EPHB3: variants seen among roughly 807,000 people sequenced by gnomAD.
EPHB3 encodes the protein ephrin type-B receptor 3.
A neutral mutation model predicts 100.2 loss-of-function variants in EPHB3; 33 were observed. The observed-to-expected ratio is 0.33, with a 90% CI of 0.25 to 0.44. The LOEUF (loss-of-function observed/expected upper bound fraction) is 0.44, where lower values mean the gene tolerates loss of function less well. Ranked by LOEUF, EPHB3 falls within the 20% of genes least tolerant of loss-of-function variation. The pLI, the probability that EPHB3 is intolerant of heterozygous loss-of-function variation, is 1.00. For missense variants in EPHB3, 1,045 were observed against 1,378.3 expected (o/e 0.76, Z 3.83); for synonymous variants, 526 against 554.7 (o/e 0.95, Z 0.73).
In EPHB3 at chr3:184,579,777, C is replaced by T. The variant is rs776860405; in HGVS notation, c.2015C>T (p.Thr672Ile). 31 of 1,613,738 alleles carry T rather than the reference C, an allele frequency of 1.9e-5. No individual in the cohort carries two copies. Among genetic ancestry groups the T allele is most frequent in the Middle Eastern group, 1.6e-4 (1 of 6,084 alleles). The change falls in exon 11 of 16, where the codon ACC becomes ATC. Residue 672 changes from threonine (T) to isoleucine (I), a missense_variant. Around this residue, in one of 2 missense-constraint regions of EPHB3, gnomAD observed 985 missense variants for 1,331.1 expected, o/e 0.74. Transcript: ENST00000330394. The surrounding 1 kb of genome is among the most constrained non-coding windows in gnomAD (Gnocchi z 5.2). ...ATCAAGACGCTGAAGGTGGGCTACA[C>T]CGAGAGGCAGCGGCGGGACTTCCTA... is the stretch of plus-strand genomic sequence containing the variant. Reference protein sequence around the residue: ...VAIKTLKVGYTERQRRDFLSE... With the variant: ...VAIKTLKVGYIERQRRDFLSE...
chr3:184,569,391 T>A lies in EPHB3; in HGVS notation c.119-1927T>A, dbSNP rs1216134950. Among the ~76,000 whole-genome samples the A allele has an allele frequency of 6.7e-6, 1 of 149,426 alleles. No homozygotes were observed. Among genetic ancestry groups the A allele is most frequent in the African/African-American group, 2.5e-5 (1 of 40,142 alleles). On this transcript the variant is annotated intron_variant, in intron 1 of 15. Transcript: ENST00000330394. The surrounding 1 kb of genome is among the most constrained non-coding windows in gnomAD (Gnocchi z 5.4). ...GCCGCCGGCCATCCCGGCTGTCGGA[T>A]CCCCGCCAGCCGGCTCCGCACATCC...
chr3:184,566,975 C>T (rs1429075002), intron 1 of EPHB3, among the ~76,000 whole-genome samples: 1 of 152,162 alleles, frequency 6.6e-6, no homozygotes, highest in Non-Finnish European at 1.5e-5. Flanking sequence ...GGTGCCCCTC[C>T]CACAGGCCAG....
In EPHB3 at chr3:184,577,185, TGAG is replaced by T. The variant is rs1313912720; in HGVS notation, c.1354+7_1354+9del. 1.9e-6 allele frequency: 3 copies of T among 1,591,192 alleles called. No individual in the cohort carries two copies. The highest frequency in any genetic ancestry group is 2.7e-5 in the African/African-American group (2 of 74,544). On this transcript the variant is annotated splice_donor_5th_base_variant and intron_variant, in intron 5 of 15. Coordinates refer to ENST00000330394, the MANE Select transcript of EPHB3 (RefSeq NM_004443.4). The surrounding 1 kb of genome is among the most constrained non-coding windows in gnomAD (Gnocchi z 4.9). ...TGAATATCACCACAAACCAGGCTGG[TGAG>T]GAGGGGACACTGGAGGGTAGGGCCT...
Position 184,581,706 on chromosome 3 carries a change from C to G in EPHB3, c.*84C>G. ...TTTCGGACTCTTGGACTTTTGGATG[C>G]CTGGCCTTAGGCTGTGGCCCAGAAG... On this transcript the variant is annotated 3_prime_UTR_variant, in exon 16 of 16. Transcript: ENST00000330394. The G allele has an allele frequency of 2.3e-6, 3 of 1,332,804 alleles. No individual in the cohort carries two copies. The South Asian group carries it at 4.5e-5, about 20-fold the overall frequency. The allele number at this position is 1,332,804 out of a possible 1,614,324, so 82.6% of individuals were successfully genotyped here.
In EPHB3 at chr3:184,580,370, T is replaced by G. The variant is rs761181055; in HGVS notation, c.2173-32T>G. On this transcript the variant is annotated intron_variant, in intron 11 of 15. Transcript: ENST00000330394. ...GCAGGCCATGGGCTGATGGGAGCAA[T>G]GGGCTCACCTGAGCCTGCTTGTTGC... 4 of 1,613,714 alleles carry G rather than the reference T, an allele frequency of 2.5e-6. No individual in the cohort carries two copies. The South Asian group carries it at 4.4e-5, about 18-fold the overall frequency.
rs751793907 is a variant in EPHB3, at chr3:184,569,549, G to GTGTC, written c.119-1746_119-1743dup. Among the ~76,000 whole-genome samples, 125 of 152,170 alleles carry GTGTC rather than the reference G, an allele frequency of 8.2e-4. 1 individual carries two copies. Among genetic ancestry groups the GTGTC allele is most frequent in the Middle Eastern group, 3.4e-3 (1 of 294 alleles). ...CGAGTACCCCCCAGGCCGAATGTCT[G>GTGTC]TGTCTGTCTGTCTGTCTGTCTGTCT... On this transcript the variant is annotated intron_variant, in intron 1 of 15. Coordinates refer to ENST00000330394, the MANE Select transcript of EPHB3 (RefSeq NM_004443.4). The surrounding 1 kb of genome is among the most constrained non-coding windows in gnomAD (Gnocchi z 5.4).
chr3:184,579,877 G>A lies in EPHB3; in HGVS notation c.2115G>A (p.Arg705=). 1.9e-6 allele frequency: 3 copies of A among 1,613,824 alleles called. No individual in the cohort carries two copies. Among genetic ancestry groups the A allele is most frequent in the East Asian group, 2.2e-5 (1 of 44,854 alleles). The change falls in exon 11 of 16, where the codon CGG becomes CGA. Residue 705 remains arginine, a synonymous_variant. Transcript: ENST00000330394. This position sits in a 1 kb window ranked among gnomAD's most constrained non-coding sequence, Gnocchi z 5.2. ...TCGAGGGCGTGGTCACCAAAAGTCG[G>A]CCAGTTATGATCCTCACTGAGTTCA... is the stretch of plus-strand genomic sequence containing the variant. ...IRLEGVVTKS[R]PVMILTEFME...
At chr3:184,580,700 G>T in intron 12 of EPHB3, 29 bp from the exon 13 acceptor site, 1 of 1,611,972 alleles carries the variant, frequency 6.2e-7, no homozygotes, top group Non-Finnish European at 8.5e-7. Context: ...CGGAGTCACA[G>T]GGTGAAGGGC....
intron 1 of EPHB3, among the ~76,000 whole-genome samples, chr3:184,570,533 G>A (rs1223018909): frequency 2.0e-5 from 3 of 152,218 alleles, no homozygotes; most frequent in Admixed American, 1.3e-4. Context: ...CCCTCAAAGC[G>A]CATCCCTGCC....
In EPHB3 at chr3:184,573,107, A is replaced by T; in HGVS notation, c.787A>T (p.Met263Leu). The change falls in exon 3 of 16, where the codon ATG (methionine) becomes TTG (leucine). Residue 263 changes from methionine to leucine, a missense_variant. Physicochemically the swap from Met to Leu is conservative, Grantham distance 15. Around this residue, in one of 2 missense-constraint regions of EPHB3, gnomAD observed 985 missense variants for 1,331.1 expected, o/e 0.74. Coordinates refer to ENST00000330394, the MANE Select transcript of EPHB3 (RefSeq NM_004443.4). This position sits in a 1 kb window ranked among gnomAD's most constrained non-coding sequence, Gnocchi z 4.5. The stretch of plus-strand genomic sequence containing the variant: ...CTACTGCAACGGCGATGGGGAGTGG[A>T]TGGTGCCTGTGGGTGCCTGCACCTG... ...KLYCNGDGEW[M>L]VPVGACTCAT... The T allele has an allele frequency of 6.2e-7, 1 of 1,612,900 alleles. No homozygotes were observed. Among genetic ancestry groups the T allele is most frequent in the Non-Finnish European group, 8.5e-7 (1 of 1,180,022 alleles).
intron 4 of EPHB3, 52 bp downstream of exon 4, chr3:184,576,037 G>T (rs974397102): frequency 1.9e-6 from 3 of 1,542,830 alleles, no homozygotes; most frequent in African/African-American, 1.4e-5. Context: ...CCTCTGGGGG[G>T]CCAGCCTGGG....
rs1209809864 is a variant in EPHB3, at chr3:184,582,323, G to C, written c.*701G>C. On this transcript the variant is annotated 3_prime_UTR_variant, in exon 16 of 16. Transcript: ENST00000330394. ...GTGTGCACGCACTGGCCTGCACAGA[G>C]AGCATGGGTGAGCGTGTAAAAGCTT... is the stretch of plus-strand genomic sequence containing the variant. 6.6e-6 allele frequency: 1 copy of C among 152,652 alleles called. No homozygotes were observed. The highest frequency in any genetic ancestry group is 1.9e-4 in the East Asian group (1 of 5,174). 9.5% of individuals were successfully genotyped at this position (152,652 alleles called of 1,614,324 possible).
rs76019285 is a variant in EPHB3, at chr3:184,563,888, G to A, written c.118+1535G>A. Among the ~76,000 whole-genome samples the A allele has an allele frequency of 9.2e-5, 14 of 152,366 alleles. No individual in the cohort carries two copies. Among genetic ancestry groups the A allele is most frequent in the African/African-American group, 2.2e-4 (9 of 41,586 alleles). ...GGGCTATGTGTCACCTGTGTGTGTC[G>A]GGCCACAAGGCCCTTGTTGTGGGTG... On this transcript the variant is annotated intron_variant, in intron 1 of 15. Coordinates refer to ENST00000330394, the MANE Select transcript of EPHB3 (RefSeq NM_004443.4). The surrounding 1 kb of genome is among the most constrained non-coding windows in gnomAD (Gnocchi z 4.1).
Position 184,562,781 on chromosome 3 carries a change from T to C in EPHB3, c.118+428T>C, listed in dbSNP as rs77500286. Among the ~76,000 whole-genome samples the C allele has an allele frequency of 0.045, 6,870 of 152,256 alleles. 496 individuals carry two copies. The highest frequency in any genetic ancestry group is 0.16 in the African/African-American group (6,493 of 41,540). On this transcript the variant is annotated intron_variant, in intron 1 of 15. Transcript: ENST00000330394. This position sits in a 1 kb window ranked among gnomAD's most constrained non-coding sequence, Gnocchi z 4.8. ...GACTCCCCGGGTTGGGGGGCGCTAA[T>C]GAGGAGCCCGTTGGAGTTAACTGTG...
chr3:184,580,431 G>C lies in EPHB3; in HGVS notation c.2202G>C (p.Gln734His). Reference sequence around the variant, plus strand: ...ACGATGGGCAGTTCACGGTCATCCAGCTGGTGGGCATGTTGCGGGGCATTG... The same window carrying C: ...ACGATGGGCAGTTCACGGTCATCCACCTGGTGGGCATGTTGCGGGGCATTG... ...RLNDGQFTVI[Q>H]LVGMLRGIAA... The change falls in exon 12 of 16, where the codon CAG becomes CAC. Residue 734 changes from glutamine (Q) to histidine (H), a missense_variant. By Grantham distance (24) the Gln-to-His change is conservative. Around this residue, in one of 2 missense-constraint regions of EPHB3, gnomAD observed 985 missense variants for 1,331.1 expected, o/e 0.74. Transcript: ENST00000330394. The C allele has an allele frequency of 6.2e-7, 1 of 1,614,238 alleles. No individual in the cohort carries two copies. The highest frequency in any genetic ancestry group is 2.2e-5 in the East Asian group (1 of 44,882).
chr3:184,577,583 C>CGGGTATGG lies in EPHB3; in HGVS notation c.1480-75_1480-74insGGGTATGG. On this transcript the variant is annotated intron_variant, in intron 6 of 15. Transcript: ENST00000330394. The surrounding 1 kb of genome is among the most constrained non-coding windows in gnomAD (Gnocchi z 4.9). ...CCTTGGGTATGGAGGGGGCATGTGG[C>CGGGTATGG]AGGCCTGGGTGTGAATAGGGGCTGG... 6.4e-7 allele frequency: 1 copy of CGGGTATGG among 1,572,894 alleles called. No homozygotes were observed. The highest frequency in any genetic ancestry group is 8.6e-7 in the Non-Finnish European group (1 of 1,157,124).
rs1004113966 is a variant in EPHB3 at position 184,565,442 on chromosome 3, A to T, written c.118+3089A>T. ...CCAGCACCCCTATACTTGGGATAGG[A>T]TGGAGAGATCCCCGCTGGGAAGATA... On this transcript the variant is annotated intron_variant, in intron 1 of 15. Transcript: ENST00000330394. This position sits in a 1 kb window ranked among gnomAD's most constrained non-coding sequence, Gnocchi z 4.8. Among the ~76,000 whole-genome samples, 1 of 152,148 alleles carries T rather than the reference A, an allele frequency of 6.6e-6. No homozygotes were observed. Among genetic ancestry groups the T allele is most frequent in the Admixed American group, 6.5e-5 (1 of 15,284 alleles).
chr3:184,576,825 C>T lies in EPHB3; in HGVS notation c.1013-17C>T, dbSNP rs1191752626. 5 of 1,526,232 alleles carry T rather than the reference C, an allele frequency of 3.3e-6. No individual in the cohort carries two copies. The highest frequency in any genetic ancestry group is 4.4e-6 in the Non-Finnish European group (5 of 1,134,664). 94.5% of individuals were successfully genotyped at this position (1,526,232 alleles called of 1,614,324 possible). ...GAGCCCCCAGCTCACTACCTTCTCCCTCCATATTCCTCACAGCCGTGCCAT... is the reference window on the plus strand; with the variant it reads ...GAGCCCCCAGCTCACTACCTTCTCCTTCCATATTCCTCACAGCCGTGCCAT... On this transcript the variant is annotated splice_polypyrimidine_tract_variant and intron_variant, in intron 4 of 15. Coordinates refer to ENST00000330394, the MANE Select transcript of EPHB3 (RefSeq NM_004443.4).
At position 184,571,512 on chromosome 3, in the gene EPHB3, C is replaced by A; in HGVS notation, c.183+130C>A. ...CTCTGCCCTCTGCCTGTCACCCTCACTTCCTGTGCCATCCCCATCATCCTC... is the reference window on the plus strand; with the variant it reads ...CTCTGCCCTCTGCCTGTCACCCTCAATTCCTGTGCCATCCCCATCATCCTC... On this transcript the variant is annotated intron_variant, in intron 2 of 15. Coordinates refer to ENST00000330394, the MANE Select transcript of EPHB3 (RefSeq NM_004443.4). This position sits in a 1 kb window ranked among gnomAD's most constrained non-coding sequence, Gnocchi z 5.0. 1 of 878,008 alleles carries A rather than the reference C, an allele frequency of 1.1e-6. No individual in the cohort carries two copies. The highest frequency in any genetic ancestry group is 1.6e-5 in the African/African-American group (1 of 60,770). 54.4% of individuals were successfully genotyped at this position (878,008 alleles called of 1,614,324 possible).
Sources: gnomAD v4.1 joint callset for allele counts (sites outside exome capture counted in the v4.1 genomes callset) on GRCh38, gnomAD v4.1.1 for gene constraint, gnomAD v4.1.1 regional missense constraint, Gnocchi (gnomAD v3.1) non-coding constraint, MANE v1.5 for transcripts, NCBI Gene and HGNC (gene_info 2026-07-23, HGNC 2026-07-21) for gene names.